The following PHC3 variants were observed in gnomAD, a reference collection of about 807,000 sequenced individuals.
PHC3 encodes the protein polyhomeotic homolog 3.
In PHC3, 13 loss-of-function variants were observed where a neutral mutation model predicts 107.4. The observed-to-expected ratio is 0.12, with a 90% CI of 0.08 to 0.19. The LOEUF is 0.19. Ranked by LOEUF, PHC3 falls within the 10% of genes least tolerant of loss-of-function variation. PHC3 has a pLI of 1.00. For missense variants in PHC3, 992 were observed against 1,210.9 expected (o/e 0.82, Z 2.68); for synonymous variants, 456 against 427.4 (o/e 1.07, Z -0.83).
chr3:170,129,753 G>A (rs934604830), intron 7 of PHC3, among the ~76,000 whole-genome samples: 9 of 151,752 alleles, frequency 5.9e-5, no homozygotes, highest in African/African-American at 2.2e-4. Context: ...AGGCTGGGGT[G>A]CAGTGGCATG....
intron 4 of PHC3, among the ~76,000 whole-genome samples, chr3:170,163,798 G>A (rs1319459014): frequency 2.0e-5 from 3 of 150,474 alleles, no homozygotes; most frequent in Admixed American, 1.3e-4. Context: ...GGGAGGTGGA[G>A]GTTGCAGTGA....
intron 7 of PHC3, among the ~76,000 whole-genome samples, chr3:170,133,005 G>C (rs1208889432): frequency 6.6e-6 from 1 of 151,924 alleles, no homozygotes; most frequent in African/African-American, 2.4e-5. Context: ...AAGTTACTTT[G>C]GCACCCTAAA....
intron 4 of PHC3, among the ~76,000 whole-genome samples, chr3:170,156,847 G>C (rs755158173): frequency 6.6e-6 from 1 of 152,024 alleles, no homozygotes; most frequent in Admixed American, 6.6e-5. Context: ...CACGCACCTC[G>C]GCCTCCCAAA....
In PHC3 at chr3:170,093,744, G is replaced by A. The variant is rs963479995; in HGVS notation, c.*3486C>T. ...CTAAGACTTGTATTTGTGAATAGAT[G>A]TCTCATTATAATTTTATACTTGATA... On this transcript the variant is annotated 3_prime_UTR_variant, in exon 15 of 15. Transcript: ENST00000495893. 6.6e-6 allele frequency: 1 copy of A among 152,146 alleles called. No homozygotes were observed. Among genetic ancestry groups the A allele is most frequent in the South Asian group, 2.1e-4 (1 of 4,830 alleles). 9.4% of individuals were successfully genotyped at this position (152,146 alleles called of 1,614,324 possible). A position where few individuals can be genotyped will look rare whatever the true frequency, so the allele number is the denominator to read the frequency against.
At chr3:170,146,092 T>C (rs1379041861) in intron 5 of PHC3, among the ~76,000 whole-genome samples, 1 of 152,170 alleles carries the variant, frequency 6.6e-6, no homozygotes, top group Admixed American at 6.5e-5. Flanking sequence ...ATTCATTCTA[T>C]GGCCAGGCGT....
intron 7 of PHC3, among the ~76,000 whole-genome samples, chr3:170,135,738 A>T (rs1221673438): frequency 1.3e-5 from 2 of 151,936 alleles, no homozygotes; most frequent in African/African-American, 4.8e-5. Context: ...AATACATGTA[A>T]CTCTTTATCT....
chr3:170,136,227 G>T, intron 7 of PHC3, 192 bp downstream of exon 7: 1 of 615,196 alleles, frequency 1.6e-6, no homozygotes, highest in Non-Finnish European at 2.6e-6. Context: ...CTATTATATT[G>T]TTACAATTTA....
intron 6 of PHC3, 63 bp downstream of exon 6, chr3:170,145,360 T>C (rs1262568748): frequency 2.9e-6 from 4 of 1,377,416 alleles, no homozygotes; most frequent in Non-Finnish European, 4.1e-6. Context: ...ACAAATGCAA[T>C]GCTTAACTTT....
intron 4 of PHC3, among the ~76,000 whole-genome samples, chr3:170,158,789 TG>T (rs1248896072): frequency 6.6e-6 from 1 of 150,452 alleles, no homozygotes; most frequent in Non-Finnish European, 1.5e-5. Flanking sequence ...TAGTCAGGTG[TG>T]GTGGCACACG....
rs771995466 is a variant in PHC3, at chr3:170,092,716, A to C, written c.*4514T>G. On this transcript the variant is annotated 3_prime_UTR_variant, in exon 15 of 15. Coordinates refer to ENST00000495893, the MANE Select transcript of PHC3 (RefSeq NM_024947.4). ...GTAATTCTGGCAACTCAATTACAACAACCTTTGAATTTTTGACAAATATTC... is the reference window on the plus strand; with the variant it reads ...GTAATTCTGGCAACTCAATTACAACCACCTTTGAATTTTTGACAAATATTC... 5 of 152,182 alleles carry C rather than the reference A, an allele frequency of 3.3e-5. No homozygotes were observed. Among genetic ancestry groups the C allele is most frequent in the Non-Finnish European group, 7.4e-5 (5 of 68,026 alleles). The allele number at this position is 152,182 out of a possible 1,614,324, so 9.4% of individuals were successfully genotyped here.
At chr3:170,155,053 C>G (rs1010298074) in intron 4 of PHC3, among the ~76,000 whole-genome samples, 7 of 152,274 alleles carry the variant, frequency 4.6e-5, no homozygotes, top group African/African-American at 1.4e-4. Context: ...TTACTGAGCC[C>G]GATTACTGCA....
chr3:170,181,610 CAA>C, intron 1 of PHC3, 90 bp downstream of exon 1: 1 of 1,587,382 alleles, frequency 6.3e-7, no homozygotes, highest in Non-Finnish European at 8.6e-7. Flanking sequence ...ACACTGCCCG[CAA>C]AAGAGCCCTG....
At chr3:170,117,097 T>C (rs768271334) in intron 10 of PHC3, 129 bp downstream of exon 10, 11 of 1,158,848 alleles carry the variant, frequency 9.5e-6, no homozygotes, top group Non-Finnish European at 1.3e-5. Context: ...GAAAGATAAA[T>C]GCTAGATTAA....
In PHC3 at chr3:170,093,297, T is replaced by C. The variant is rs1714299622; in HGVS notation, c.*3933A>G. ...TCCAAGAAAGAAGTTTTCATGGTTT[T>C]CTTGGAGCTAGAGGCCTTAGAGAGG... On this transcript the variant is annotated 3_prime_UTR_variant, in exon 15 of 15. Transcript: ENST00000495893. 2 of 152,200 alleles carry C rather than the reference T, an allele frequency of 1.3e-5. No homozygotes were observed. The highest frequency in any genetic ancestry group is 6.6e-5 in the Admixed American group (1 of 15,266). 9.4% of individuals were successfully genotyped at this position (152,200 alleles called of 1,614,324 possible).
At chr3:170,142,006 G>C (rs978793377) in intron 6 of PHC3, among the ~76,000 whole-genome samples, 1 of 152,158 alleles carries the variant, frequency 6.6e-6, no homozygotes, top group Non-Finnish European at 1.5e-5. Context: ...AACAAAAATA[G>C]TAGTTAGCAG....
intron 4 of PHC3, among the ~76,000 whole-genome samples, chr3:170,150,409 T>C (rs1014980381): frequency 6.6e-6 from 1 of 151,522 alleles, no homozygotes; most frequent in East Asian, 1.9e-4. Flanking sequence ...AACTAGAGCA[T>C]TGTTGGCCGG....
chr3:170,117,481 A>G lies in PHC3; in HGVS notation c.1943-5T>C. 1 of 1,585,680 alleles carries G rather than the reference A, an allele frequency of 6.3e-7. No homozygotes were observed. The highest frequency in any genetic ancestry group is 8.6e-7 in the Non-Finnish European group (1 of 1,169,318). ...CAGCAGGTAATTCCACTTGCTCTGA[A>G]AAAAAAACCAAAAAGTCATTTAAAA... On this transcript the variant is annotated splice_polypyrimidine_tract_variant and splice_region_variant and intron_variant, in intron 9 of 14. Coordinates refer to ENST00000495893, the MANE Select transcript of PHC3 (RefSeq NM_024947.4).
At chr3:170,104,382 G>A (rs1716068755) in intron 12 of PHC3, among the ~76,000 whole-genome samples, 1 of 152,102 alleles carries the variant, frequency 6.6e-6, no homozygotes, top group Admixed American at 6.6e-5. Context: ...TGCAAAGCTA[G>A]GAAAAATATA....
intron 5 of PHC3, chr3:170,147,651 G>T (rs181419214): frequency 6.6e-6 from 1 of 152,238 alleles, no homozygotes; most frequent in Non-Finnish European, 1.5e-5. Context: ...TATATGGGAG[G>T]ATATACATAG....
Sources: allele counts gnomAD v4.1 joint callset (sites outside exome capture counted in the v4.1 genomes callset), GRCh38; gene constraint gnomAD v4.1.1; transcripts MANE v1.5; gene names NCBI Gene and HGNC (gene_info 2026-07-23, HGNC 2026-07-21).